Variants in PTPRO observed in about 807,000 individuals in gnomAD.
PTPRO encodes protein tyrosine phosphatase receptor type O.
In PTPRO, 62 loss-of-function variants were observed where a neutral mutation model predicts 145.2. The observed-to-expected ratio is 0.43, with a 90% CI of 0.35 to 0.53. The LOEUF is 0.53. PTPRO is among the 20% of genes least tolerant of loss of function. The probability of loss-of-function intolerance (pLI) is 0.01; values close to 1 mark genes in which losing one functional copy is unlikely to be tolerated. For missense variants in PTPRO, 1,345 were observed against 1,482.7 expected, an observed-to-expected ratio of 0.91 and a Z score of 1.53; for synonymous variants, 565 against 514.7, an observed-to-expected ratio of 1.10 and a Z score of -1.32.
At chr12:15,398,618 G>A (rs1015694608) in intron 1 of PTPRO, among the ~76,000 whole-genome samples, 14 of 151,990 alleles carry the variant, frequency 9.2e-5, no homozygotes, top group Non-Finnish European at 1.2e-4. Flanking sequence ...TAGGCATCTG[G>A]TAAATTTAGC....
intron 1 of PTPRO, among the ~76,000 whole-genome samples, chr12:15,417,573 C>G (rs1239945478): frequency 6.6e-6 from 1 of 151,688 alleles, no homozygotes; most frequent in African/African-American, 2.4e-5. Context: ...CTGGGGCCCA[C>G]CCCAGACTTA....
chr12:15,496,326 G>A (rs1942106721), intron 2 of PTPRO, among the ~76,000 whole-genome samples: 1 of 151,772 alleles, frequency 6.6e-6, no homozygotes, highest in African/African-American at 2.4e-5. Context: ...ATTTTTAGTA[G>A]AGACAGGGTT....
At chr12:15,510,531 A>G (rs1942416279) in intron 7 of PTPRO, among the ~76,000 whole-genome samples, 1 of 152,232 alleles carries the variant, frequency 6.6e-6, no homozygotes, top group Non-Finnish European at 1.5e-5. Context: ...TAGATATTGT[A>G]AATTATCAAT....
intron 1 of PTPRO, among the ~76,000 whole-genome samples, chr12:15,364,595 C>T (rs1259577134): frequency 1.3e-5 from 2 of 152,086 alleles, no homozygotes; most frequent in African/African-American, 4.8e-5. Flanking sequence ...TTCCACACAC[C>T]AGCCCAGCAA....
At chr12:15,570,071 A>G (rs562766245) in intron 19 of PTPRO, among the ~76,000 whole-genome samples, 1 of 152,344 alleles carries the variant, frequency 6.6e-6, no homozygotes, top group African/African-American at 2.4e-5. Flanking sequence ...AATTGACAAC[A>G]TCTCTTTTTT....
At chr12:15,350,075 C>T (rs1441046303) in intron 1 of PTPRO, among the ~76,000 whole-genome samples, 1 of 152,198 alleles carries the variant, frequency 6.6e-6, no homozygotes, top group Non-Finnish European at 1.5e-5. Context: ...ATTTGAAAAT[C>T]ATCTACCTGT....
At chr12:15,519,277 C>T (rs1333130016) in intron 9 of PTPRO, among the ~76,000 whole-genome samples, 1 of 152,190 alleles carries the variant, frequency 6.6e-6, no homozygotes, top group Non-Finnish European at 1.5e-5. Context: ...AGACCTGCCC[C>T]CATGATTCAG....
Position 15,501,662 on chromosome 12 carries a change from T to C in PTPRO, c.704T>C (p.Leu235Ser), listed in dbSNP as rs757857575. ...AATATTTCCGTTCGTATCGTAAACT[T>C]GAACAAAAACAACTGGGAAGAACAG... ...PQNISVRIVN[L>S]NKNNWEEQSG... Residue 235 changes from leucine to serine, a missense_variant, in exon 5 of 27, where the codon TTG becomes TCG. Physicochemically the swap from Leu to Ser is moderately radical, Grantham distance 145. This residue lies in a region of PTPRO where 1,130 missense variants were observed against 1,214.7 expected (regional missense o/e 0.93). Transcript: ENST00000281171. 8 of 1,613,982 alleles carry C rather than the reference T, an allele frequency of 5.0e-6. No individual in the cohort carries two copies. Among genetic ancestry groups the C allele is most frequent in the Non-Finnish European group, 5.9e-6 (7 of 1,179,934 alleles).
chr12:15,501,667 A>T lies in PTPRO; in HGVS notation c.709A>T (p.Lys237Ter), dbSNP rs1188702273. The change falls in exon 5 of 27, where the codon AAA (lysine) becomes TAA (stop). Residue 237 changes from lysine (K) to a stop codon, truncating the protein, a stop_gained. Coordinates refer to ENST00000281171, the MANE Select transcript of PTPRO (RefSeq NM_030667.3). LOFTEE classifies it high-confidence loss of function. ...NISVRIVNLN[K>*]NNWEEQSGNF... Reference sequence around the variant, plus strand: ...TTCCGTTCGTATCGTAAACTTGAACAAAAACAACTGGGAAGAACAGAGTGG... The same window carrying T: ...TTCCGTTCGTATCGTAAACTTGAACTAAAACAACTGGGAAGAACAGAGTGG... The T allele has an allele frequency of 6.2e-7, 1 of 1,614,076 alleles. No individual in the cohort carries two copies. Among genetic ancestry groups the T allele is most frequent in the Non-Finnish European group, 8.5e-7 (1 of 1,179,952 alleles).
chr12:15,520,733 C>T (rs1942699493), intron 10 of PTPRO, among the ~76,000 whole-genome samples: 2 of 151,990 alleles, frequency 1.3e-5, no homozygotes, highest in South Asian at 4.2e-4. Context: ...GTAGTAGGGT[C>T]CCTTGTGGAA....
intron 1 of PTPRO, among the ~76,000 whole-genome samples, chr12:15,422,252 T>A (rs1193893998): frequency 3.3e-5 from 5 of 152,194 alleles, no homozygotes; most frequent in Non-Finnish European, 7.4e-5. Flanking sequence ...ACGAAAGGGT[T>A]TTAACCAGGT....
At chr12:15,495,545 G>T (rs1011734555) in intron 2 of PTPRO, among the ~76,000 whole-genome samples, 2 of 151,886 alleles carry the variant, frequency 1.3e-5, no homozygotes, top group African/African-American at 4.8e-5. Flanking sequence ...TTCTAAAAGT[G>T]TGAATCAAAA....
At chr12:15,416,444 C>A (rs548657415) in intron 1 of PTPRO, among the ~76,000 whole-genome samples, 1 of 151,210 alleles carries the variant, frequency 6.6e-6, no homozygotes, top group Admixed American at 6.6e-5. Flanking sequence ...CTCAGCCTCC[C>A]GAGTAGCTGG....
At chr12:15,590,831 T>C (rs1365953900) in intron 25 of PTPRO, among the ~76,000 whole-genome samples, 1 of 152,202 alleles carries the variant, frequency 6.6e-6, no homozygotes, top group African/African-American at 2.4e-5. Context: ...AGTATCACTT[T>C]TTAATCATAA....
At chr12:15,496,142 G>GTTTTTTTT (rs71042255) in intron 2 of PTPRO, among the ~76,000 whole-genome samples, 4 of 75,358 alleles carry the variant, frequency 5.3e-5, no homozygotes, top group Non-Finnish European at 2.4e-5. Context: ...TTCTTTTTTT[G>GTTTTTTTT]TTTTTTTTTT....
At chr12:15,413,418 A>T (rs924345521) in intron 1 of PTPRO, among the ~76,000 whole-genome samples, 1 of 152,200 alleles carries the variant, frequency 6.6e-6, no homozygotes, top group Non-Finnish European at 1.5e-5. Context: ...ACAATTAATG[A>T]TTGGGTGTGA....
At chr12:15,561,180 C>A (rs1943763906) in intron 17 of PTPRO, among the ~76,000 whole-genome samples, 1 of 151,872 alleles carries the variant, frequency 6.6e-6, no homozygotes, top group Non-Finnish European at 1.5e-5. Flanking sequence ...CAGACAGATC[C>A]ATAAATGTGG....
chr12:15,593,860 T>A (rs1311075418), intron 25 of PTPRO, among the ~76,000 whole-genome samples: 1 of 152,166 alleles, frequency 6.6e-6, no homozygotes, highest in Non-Finnish European at 1.5e-5. Context: ...AGATAGAAAA[T>A]AATTATTTCA....
intron 1 of PTPRO, among the ~76,000 whole-genome samples, chr12:15,455,314 C>A (rs543515756): frequency 8.6e-5 from 13 of 151,856 alleles, no homozygotes; most frequent in South Asian, 2.1e-4. Flanking sequence ...CCCCTTCCCC[C>A]CCACACACAC....
Sources: gnomAD v4.1 joint callset for allele counts (sites outside exome capture counted in the v4.1 genomes callset) on GRCh38, gnomAD v4.1.1 for gene constraint, gnomAD v4.1.1 regional missense constraint, MANE v1.5 for transcripts, NCBI Gene and HGNC (gene_info 2026-07-23, HGNC 2026-07-21) for gene names.